Variants in PDXDC1 observed in about 807,000 individuals in gnomAD.
PDXDC1 encodes the protein pyridoxal-dependent decarboxylase domain-containing protein 1.
Under a neutral mutation model 100.1 loss-of-function variants are expected in PDXDC1, and 42 were observed. That is an observed-to-expected ratio of 0.42 (90% confidence interval 0.33 to 0.54). PDXDC1 has a LOEUF of 0.54. Ranked by LOEUF, PDXDC1 falls within the 20% of genes least tolerant of loss-of-function variation. The pLI, the probability that PDXDC1 is intolerant of heterozygous loss-of-function variation, is 0.10. For synonymous variants in PDXDC1, 260 were observed against 371.7 expected (o/e 0.70, Z 3.46); for missense variants, 636 against 979.2 (o/e 0.65, Z 4.68).
downstream of PDXDC1, among the ~76,000 whole-genome samples, chr16:15,043,237 T>A (rs2043902220): frequency 1.3e-5 from 2 of 151,912 alleles, no homozygotes; most frequent in African/African-American, 4.8e-5. Flanking sequence ...AGTTTCACCA[T>A]GTTGCCCAGG....
At chr16:15,085,594 G>A in intron 16 of PDXDC1, 1 of 1,599,344 alleles carries the variant, frequency 6.3e-7, no homozygotes, top group Non-Finnish European at 8.5e-7. Flanking sequence ...CTGGGATTAT[G>A]GGTGAAAGCT....
At chr16:15,052,282 C>T (rs923227359) in intron 16 of PDXDC1, among the ~76,000 whole-genome samples, 1 of 152,146 alleles carries the variant, frequency 6.6e-6, no homozygotes, top group African/African-American at 2.4e-5. Flanking sequence ...AATACCATTT[C>T]CCATGTTACA....
intron 16 of PDXDC1, among the ~76,000 whole-genome samples, chr16:15,075,101 T>A (rs111470231): frequency 0.056 from 8,449 of 150,458 alleles, 389 homozygotes; most frequent in African/African-American, 0.12. Context: ...AATACAAGAA[T>A]TAGCCAGGTA....
the PDXDC1 span, among the ~76,000 whole-genome samples, chr16:15,145,314 T>C: frequency 1.3e-5 from 2 of 152,202 alleles, no homozygotes; most frequent in Non-Finnish European, 2.9e-5. Flanking sequence ...CAGCCAATGA[T>C]GGCACGAGCC....
At chr16:15,137,747 C>A in intron 16 of PDXDC1, 5 of 1,462,740 alleles carry the variant, frequency 3.4e-6, no homozygotes, top group Non-Finnish European at 3.7e-6. Context: ...CACCCACCGG[C>A]ACTCACCACA....
intron 16 of PDXDC1, chr16:15,125,836 C>T (rs762936158): frequency 1.9e-5 from 17 of 917,652 alleles, no homozygotes; most frequent in Non-Finnish European, 2.6e-5. Context: ...GGTCAGCGGG[C>T]GGCAGCTCAG....
rs549938742 is a variant in PDXDC1 at position 15,057,525 on chromosome 16, T to C, written c.1399+27469T>C. Among the ~76,000 whole-genome samples the C allele has an allele frequency of 5.3e-5, 8 of 152,322 alleles. 1 individual carries two copies. The highest frequency in any genetic ancestry group is 1.7e-4 in the African/African-American group (7 of 41,576). On this transcript the variant is annotated intron_variant, in intron 16 of 16. Transcript: ENST00000535621. Reference sequence around the variant, plus strand: ...AGTGCTCTCCATCACTATAAGATGCTCCTAGACTGTACTGTAAACAACTCA... The same window carrying C: ...AGTGCTCTCCATCACTATAAGATGCCCCTAGACTGTACTGTAAACAACTCA...
chr16:15,047,601 T>G, intron 16 of PDXDC1: 1 of 1,335,938 alleles, frequency 7.5e-7, no homozygotes, highest in Non-Finnish European at 1.1e-6. Flanking sequence ...GCGAGTGCAG[T>G]GCGCAGGCCG....
chr16:15,026,926 C>T (rs1294278182), intron 14 of PDXDC1, among the ~76,000 whole-genome samples: 11 of 152,394 alleles, frequency 7.2e-5, no homozygotes, highest in Admixed American at 1.3e-4. Context: ...AAATGCCAGT[C>T]CCTGGACCAG....
chr16:15,008,295 A>G (rs1422008811), intron 6 of PDXDC1, among the ~76,000 whole-genome samples: 2 of 152,410 alleles, frequency 1.3e-5, no homozygotes, highest in East Asian at 1.9e-4. Flanking sequence ...TGTCTCCTGC[A>G]TAACACTGAC....
intron 16 of PDXDC1, among the ~76,000 whole-genome samples, chr16:15,096,712 T>G (rs2046368636): frequency 6.6e-6 from 1 of 152,276 alleles, no homozygotes; most frequent in Non-Finnish European, 1.5e-5. Context: ...AGACAGGATC[T>G]CATTGTCTAG....
rs540709963 is a variant in PDXDC1, at chr16:15,124,501, G to A, written c.1400-14378G>A. 5.2e-4 allele frequency among the ~76,000 whole-genome samples: 79 copies of A among 152,008 alleles called. 1 individual carries two copies. In the South Asian group the frequency reaches 0.016, roughly 31 times the overall value. On this transcript the variant is annotated intron_variant, in intron 16 of 16. Transcript: ENST00000535621. ...AACAAAAACAAAACAGGGGCTGGGGGTGGTGGCTCACGCCTGTAATCCCAG... is the reference window on the plus strand; with the variant it reads ...AACAAAAACAAAACAGGGGCTGGGGATGGTGGCTCACGCCTGTAATCCCAG...
intron 18 of PDXDC1, 65 bp downstream of exon 18, chr16:15,033,044 A>G (rs1304428450): frequency 9.0e-7 from 1 of 1,105,776 alleles, no homozygotes; most frequent in African/African-American, 1.5e-5. Flanking sequence ...GGCTTTGAAG[A>G]CGACGGCTCA....
At chr16:14,976,232 C>A (rs1445913867) in intron 1 of PDXDC1, among the ~76,000 whole-genome samples, 1 of 152,280 alleles carries the variant, frequency 6.6e-6, no homozygotes, top group Non-Finnish European at 1.5e-5. Flanking sequence ...CCAGTGCATA[C>A]CCGGTTTTTC....
chr16:15,124,389 T>G (rs1256446762), intron 16 of PDXDC1, among the ~76,000 whole-genome samples: 1 of 152,148 alleles, frequency 6.6e-6, no homozygotes, highest in East Asian at 1.9e-4. Context: ...ATAAGGTTAT[T>G]GTAAACAGGA....
At chr16:15,142,381 G>A (rs1001860707), downstream of PDXDC1, among the ~76,000 whole-genome samples, 5 of 152,196 alleles carry the variant, frequency 3.3e-5, no homozygotes, top group Admixed American at 2.0e-4. Flanking sequence ...TCCTTCTCCC[G>A]GCCCTCACCC....
At chr16:15,128,448 C>T (rs1196823685) in intron 16 of PDXDC1, 10 of 962,084 alleles carry the variant, frequency 1.0e-5, no homozygotes, top group Non-Finnish European at 1.6e-5. Flanking sequence ...GTGTGGCATC[C>T]CAGGCAAGTC....
intron 16 of PDXDC1, chr16:15,130,248 C>T (rs1299643271): frequency 1.3e-5 from 20 of 1,548,454 alleles, no homozygotes; most frequent in Admixed American, 2.0e-5. Context: ...GAGGCTGGCG[C>T]CGAAGGCGGT....
At chr16:15,147,832 G>C in the PDXDC1 span, among the ~76,000 whole-genome samples, 1 of 152,180 alleles carries the variant, frequency 6.6e-6, no homozygotes, top group East Asian at 1.9e-4. Context: ...GGGATTACAG[G>C]CGCCCACCAC....
Sources: gnomAD v4.1 joint callset for allele counts (sites outside exome capture counted in the v4.1 genomes callset) on GRCh38, gnomAD v4.1.1 for gene constraint, MANE v1.5 for transcripts, NCBI Gene and HGNC (gene_info 2026-07-23, HGNC 2026-07-21) for gene names.